The following PRTFDC1 variants were observed in gnomAD, a reference collection of about 807,000 sequenced individuals.
PRTFDC1 encodes phosphoribosyltransferase domain-containing protein 1.
A neutral mutation model predicts 34.6 loss-of-function variants in PRTFDC1; 38 were observed. The ratio of observed to expected loss-of-function variants is 1.10; its 90% confidence interval spans 0.85 to 1.44. The LOEUF is 1.44. Among genes scored for constraint, PRTFDC1 ranks in the 40% most tolerant of loss-of-function variants. PRTFDC1 has a pLI of 0.00. For missense variants in PRTFDC1, 270 were observed against 283.0 expected, an observed-to-expected ratio of 0.95 and a Z score of 0.33; for synonymous variants, 93 against 98.1, an observed-to-expected ratio of 0.95 and a Z score of 0.31.
chr10:24,856,769 G>C, intron 6 of PRTFDC1, 144 bp downstream of exon 6: 1 of 709,654 alleles, frequency 1.4e-6, no homozygotes. Flanking sequence ...CTGTTTTTCA[G>C]TGTGGTCAAG....
At chr10:24,868,416 C>T (rs1847822385) in intron 4 of PRTFDC1, among the ~76,000 whole-genome samples, 1 of 152,102 alleles carries the variant, frequency 6.6e-6, no homozygotes, top group Admixed American at 6.5e-5. Flanking sequence ...TTCCTGGGAA[C>T]AAATTCCTGG....
chr10:24,916,060 C>T lies in PRTFDC1; in HGVS notation c.339+21124G>A, dbSNP rs11014298. ...CAAAGCTCCTCTTTTCACAATCTTC[C>T]CCATTTTAGTAAATGGCAACTCAGT... is the stretch of plus-strand genomic sequence containing the variant. On this transcript the variant is annotated intron_variant, in intron 3 of 8. Transcript: ENST00000320152. Among the ~76,000 whole-genome samples the T allele has an allele frequency of 6.0e-3, 918 of 152,254 alleles. 10 individuals are homozygous for T. Among genetic ancestry groups the T allele is most frequent in the African/African-American group, 0.021 (857 of 41,530 alleles).
intron 3 of PRTFDC1, among the ~76,000 whole-genome samples, chr10:24,929,403 C>T (rs1013282656): frequency 1.3e-5 from 2 of 152,168 alleles, no homozygotes; most frequent in Admixed American, 6.5e-5. Flanking sequence ...GCAAATCTCT[C>T]GGCCCTACTG....
intron 3 of PRTFDC1, among the ~76,000 whole-genome samples, chr10:24,921,803 A>C (rs1045197204): frequency 1.3e-5 from 2 of 152,166 alleles, no homozygotes; most frequent in Non-Finnish European, 2.9e-5. Flanking sequence ...AGAAAATTAA[A>C]TAATTCTTGT....
Position 24,849,779 on chromosome 10 carries a change from T to C in PRTFDC1, c.*65A>G. ...TGCCTGGGGGGACAAACTTGACAGC[T>C]GGCTTCCCAAGTACAGGCGTAAATA... On this transcript the variant is annotated 3_prime_UTR_variant, in exon 9 of 9. Transcript: ENST00000320152. 6.6e-7 allele frequency: 1 copy of C among 1,524,206 alleles called. No individual in the cohort carries two copies. Among genetic ancestry groups the C allele is most frequent in the South Asian group, 1.1e-5 (1 of 88,062 alleles). The allele number at this position is 1,524,206 out of a possible 1,614,324, so 94.4% of individuals were successfully genotyped here.
chr10:24,905,533 A>G (rs1848520963), intron 3 of PRTFDC1, among the ~76,000 whole-genome samples: 1 of 151,720 alleles, frequency 6.6e-6, no homozygotes, highest in Admixed American at 6.6e-5. Context: ...TGTTGGCCAA[A>G]AGGTCTCCTG....
In PRTFDC1 at chr10:24,857,014, T is replaced by C; in HGVS notation, c.424-19A>G. 1.3e-6 allele frequency: 2 copies of C among 1,585,862 alleles called. No individual in the cohort carries two copies. Among genetic ancestry groups the C allele is most frequent in the Non-Finnish European group, 1.7e-6 (2 of 1,154,218 alleles). ...CAACATCCTTTGCAAAAAGGACAGA[T>C]AAATTCAACAAAATGCATTTGAGCA... On this transcript the variant is annotated intron_variant, in intron 5 of 8. Transcript: ENST00000320152.
At chr10:24,939,793 CAAAAAA>C (rs55974992) in intron 2 of PRTFDC1, among the ~76,000 whole-genome samples, 1 of 71,542 alleles carries the variant, frequency 1.4e-5, no homozygotes, top group East Asian at 4.0e-4. Flanking sequence ...GACTCTATCT[CAAAAAA>C]AAAAAAAAAA....
At chr10:24,909,833 C>G (rs943767702) in intron 3 of PRTFDC1, among the ~76,000 whole-genome samples, 3 of 151,888 alleles carry the variant, frequency 2.0e-5, no homozygotes, top group Non-Finnish European at 2.9e-5. Flanking sequence ...CATAACCTGA[C>G]CTTACTGAAA....
At chr10:24,849,966 ACCGAATG>A (rs1847455578) in intron 8 of PRTFDC1, 75 bp from the exon 9 acceptor site, 28 of 1,342,048 alleles carry the variant, frequency 2.1e-5, no homozygotes, top group Non-Finnish European at 2.6e-5. Context: ...TGCAGTAATA[ACCGAATG>A]CCATCCTGTA....
In PRTFDC1 at chr10:24,903,393, G is replaced by A. The variant is rs115930442; in HGVS notation, c.340-31330C>T. ...GTAATGATTATACACAAGGTTGTTCGCTTGGTGGAAAATTCATTAAGCTGA... is the reference window on the plus strand; with the variant it reads ...GTAATGATTATACACAAGGTTGTTCACTTGGTGGAAAATTCATTAAGCTGA... On this transcript the variant is annotated intron_variant, in intron 3 of 8. Coordinates refer to ENST00000320152, the MANE Select transcript of PRTFDC1 (RefSeq NM_020200.7). Among the ~76,000 whole-genome samples the A allele has an allele frequency of 8.3e-3, 1,270 of 152,234 alleles. 26 individuals are homozygous for A. The highest frequency in any genetic ancestry group is 0.029 in the African/African-American group (1,208 of 41,544).
chr10:24,858,259 A>G, intron 5 of PRTFDC1, 133 bp downstream of exon 5: 1 of 881,902 alleles, frequency 1.1e-6, no homozygotes, highest in Non-Finnish European at 1.8e-6. Context: ...GCCCCTATTC[A>G]TTAAATTTGG....
At chr10:24,874,610 T>C (rs1565262288) in intron 3 of PRTFDC1, among the ~76,000 whole-genome samples, 1 of 152,218 alleles carries the variant, frequency 6.6e-6, no homozygotes, top group Admixed American at 6.5e-5. Flanking sequence ...TTCATTCTAT[T>C]GATTAAAACC....
At chr10:24,894,175 A>T (rs1452244388) in intron 3 of PRTFDC1, among the ~76,000 whole-genome samples, 1 of 152,098 alleles carries the variant, frequency 6.6e-6, no homozygotes, top group Non-Finnish European at 1.5e-5. Flanking sequence ...ACTAAAAAAT[A>T]CAAAAATTAG....
At chr10:24,893,278 C>T (rs890293604) in intron 3 of PRTFDC1, among the ~76,000 whole-genome samples, 3 of 151,978 alleles carry the variant, frequency 2.0e-5, no homozygotes, top group African/African-American at 7.3e-5. Context: ...CTCTTTCTCT[C>T]TCTCTCTCTC....
intron 3 of PRTFDC1, among the ~76,000 whole-genome samples, chr10:24,887,347 C>T (rs114055572): frequency 0.011 from 1,678 of 152,232 alleles, 32 homozygotes; most frequent in African/African-American, 0.038. Context: ...ATAATCCCCA[C>T]GTGTCATGGG....
At chr10:24,938,611 C>G (rs573848692) in intron 2 of PRTFDC1, among the ~76,000 whole-genome samples, 3 of 152,160 alleles carry the variant, frequency 2.0e-5, no homozygotes, top group African/African-American at 7.2e-5. Context: ...GTGCAGTCAC[C>G]GCTGAGCAGT....
intron 4 of PRTFDC1, among the ~76,000 whole-genome samples, chr10:24,860,180 GACC>G (rs1847653935): frequency 6.6e-6 from 1 of 152,146 alleles, no homozygotes; most frequent in Admixed American, 6.5e-5. Flanking sequence ...AGGAGTTCAA[GACC>G]AGCCTGGCCA....
intron 6 of PRTFDC1, among the ~76,000 whole-genome samples, chr10:24,856,293 A>G (rs945686089): frequency 4.9e-5 from 7 of 144,214 alleles, no homozygotes; most frequent in African/African-American, 7.7e-5. Flanking sequence ...AATAAAAAAG[A>G]AAAAAAAAAA....
Sources: gnomAD v4.1 joint callset for allele counts (sites outside exome capture counted in the v4.1 genomes callset) on GRCh38, gnomAD v4.1.1 for gene constraint, MANE v1.5 for transcripts, NCBI Gene and HGNC (gene_info 2026-07-23, HGNC 2026-07-21) for gene names.